QRSL1: variants seen among roughly 807,000 people sequenced by gnomAD.
QRSL1 encodes glutamyl-tRNA(Gln) amidotransferase subunit A, mitochondrial.
QRSL1 carries 54 observed loss-of-function variants against 61.6 expected under a neutral mutation model. The ratio of observed to expected loss-of-function variants is 0.88; its 90% CI spans 0.70 to 1.10. QRSL1 has a LOEUF of 1.10. QRSL1 is among the 50% of genes least tolerant of loss of function. QRSL1 has a pLI of 0.00. For missense variants in QRSL1, 505 were observed against 622.6 expected, an observed-to-expected ratio of 0.81 and a Z score of 2.01; for synonymous variants, 228 against 225.7, an observed-to-expected ratio of 1.01 and a Z score of -0.09.
At chr6:106,649,294 A>G (rs979751459) in intron 5 of QRSL1, 93 bp downstream of exon 5, 2 of 1,331,064 alleles carry the variant, frequency 1.5e-6, no homozygotes, top group African/African-American at 2.9e-5. Flanking sequence ...ATATCCTGGT[A>G]TTTTTCTTTC....
chr6:106,658,196 C>G (rs1322196549), intron 9 of QRSL1, among the ~76,000 whole-genome samples: 1 of 151,848 alleles, frequency 6.6e-6, no homozygotes, highest in Non-Finnish European at 1.5e-5. Flanking sequence ...TTTATATTTA[C>G]CTACATATTT....
At position 106,667,757 on chromosome 6, in the gene QRSL1, A is replaced by T. The variant is rs969649801; in HGVS notation, c.*1755A>T. 1 of 152,164 alleles carries T rather than the reference A, an allele frequency of 6.6e-6. No homozygotes were observed. Among genetic ancestry groups the T allele is most frequent in the Non-Finnish European group, 1.5e-5 (1 of 68,044 alleles). 9.4% of individuals were successfully genotyped at this position (152,164 alleles called of 1,614,324 possible). On this transcript the variant is annotated 3_prime_UTR_variant, in exon 11 of 11. Coordinates refer to ENST00000369046, the MANE Select transcript of QRSL1 (RefSeq NM_018292.5). The stretch of plus-strand genomic sequence containing the variant: ...AATATTCCTATAGATTTTGACTCTG[A>T]ATCCCTGAAAGAGGAAGAAATCCAT...
At chr6:106,637,657 C>T (rs904559875) in intron 1 of QRSL1, among the ~76,000 whole-genome samples, 2 of 152,180 alleles carry the variant, frequency 1.3e-5, no homozygotes, top group African/African-American at 2.4e-5. Context: ...ACAGGAGAAG[C>T]AGCGGCTGCC....
chr6:106,644,810 T>C (rs1777083188), intron 4 of QRSL1, among the ~76,000 whole-genome samples: 1 of 152,186 alleles, frequency 6.6e-6, no homozygotes, highest in East Asian at 1.9e-4. Flanking sequence ...TGAGCCATCG[T>C]GCCTGGCCAA....
rs1582424677 is a variant in QRSL1, at chr6:106,666,735, A to G, written c.*733A>G. 6.6e-6 allele frequency: 1 copy of G among 152,420 alleles called. No individual in the cohort carries two copies. The highest frequency in any genetic ancestry group is 6.5e-5 in the Admixed American group (1 of 15,302). 9.4% of individuals were successfully genotyped at this position (152,420 alleles called of 1,614,324 possible). On this transcript the variant is annotated 3_prime_UTR_variant, in exon 11 of 11. Coordinates refer to ENST00000369046, the MANE Select transcript of QRSL1 (RefSeq NM_018292.5). ...GGTGAAGGCCGCCTCAGGGGTTGTT[A>G]AAAATGCACAGAAACAATTGAGTGC... is the stretch of plus-strand genomic sequence containing the variant.
intron 4 of QRSL1, among the ~76,000 whole-genome samples, chr6:106,646,836 G>A (rs1216340901): frequency 6.6e-6 from 1 of 151,856 alleles, no homozygotes; most frequent in African/African-American, 2.4e-5. Flanking sequence ...AGACCATCCT[G>A]GCTAACACAG....
chr6:106,664,366 G>A (rs539317093), intron 10 of QRSL1, among the ~76,000 whole-genome samples: 6 of 152,298 alleles, frequency 3.9e-5, no homozygotes, highest in African/African-American at 1.4e-4. Context: ...TTTGCTTACT[G>A]TGTTCATTCT....
At chr6:106,632,804 T>A (rs1776858776) in intron 1 of QRSL1, among the ~76,000 whole-genome samples, 1 of 152,232 alleles carries the variant, frequency 6.6e-6, no homozygotes, top group Admixed American at 6.5e-5. Context: ...TTAATTTGAT[T>A]ATTGGATTTT....
chr6:106,663,951 A>G (rs1176786718), intron 10 of QRSL1, among the ~76,000 whole-genome samples: 1 of 151,964 alleles, frequency 6.6e-6, no homozygotes, highest in African/African-American at 2.4e-5. Context: ...ACACACCCAC[A>G]CTCACCACAC....
At chr6:106,641,814 A>G (rs898202180) in intron 3 of QRSL1, among the ~76,000 whole-genome samples, 6 of 152,232 alleles carry the variant, frequency 3.9e-5, no homozygotes, top group African/African-American at 1.4e-4. Flanking sequence ...GAGATTTACT[A>G]TTTCAAAAAT....
chr6:106,644,767 G>A (rs1326300538), intron 4 of QRSL1, among the ~76,000 whole-genome samples: 3 of 152,072 alleles, frequency 2.0e-5, no homozygotes, highest in Non-Finnish European at 4.4e-5. Flanking sequence ...TGATCTGCCC[G>A]CCTGGTCTCC....
At position 106,668,004 on chromosome 6, in the gene QRSL1, G is replaced by A. The variant is rs1582425484; in HGVS notation, c.*2002G>A. The A allele has an allele frequency of 6.6e-6, 1 of 152,132 alleles. No homozygotes were observed. The highest frequency in any genetic ancestry group is 1.9e-4 in the East Asian group (1 of 5,176). 9.4% of individuals were successfully genotyped at this position (152,132 alleles called of 1,614,324 possible). A position where few individuals can be genotyped will look rare whatever the true frequency, so the allele number is the denominator to read the frequency against. On this transcript the variant is annotated 3_prime_UTR_variant, in exon 11 of 11. Transcript: ENST00000369046. ...AGATGGGCTCTCCCTGTGTTGCCCA[G>A]GCTAGTCTCAAACTCCTGGGCTCAA...
chr6:106,655,787 C>A, intron 9 of QRSL1, 55 bp downstream of exon 9: 1 of 1,070,850 alleles, frequency 9.3e-7, no homozygotes, highest in Non-Finnish European at 1.4e-6. Context: ...AGTAACATGT[C>A]TCTTATCAGG....
At chr6:106,632,467 C>T (rs971462900) in intron 1 of QRSL1, among the ~76,000 whole-genome samples, 3 of 152,098 alleles carry the variant, frequency 2.0e-5, no homozygotes, top group Non-Finnish European at 2.9e-5. Flanking sequence ...CCTCCTCCCT[C>T]AGCCTCCCAA....
chr6:106,648,974 T>A (rs779385198), intron 4 of QRSL1, 51 bp from the exon 5 acceptor site: 5 of 1,542,304 alleles, frequency 3.2e-6, no homozygotes, highest in Non-Finnish European at 4.4e-6. Flanking sequence ...GATGAAATTT[T>A]CACATAAAAT....
Position 106,663,153 on chromosome 6 carries a change from A to G in QRSL1, c.1334A>G (p.Asp445Gly). 6.2e-7 allele frequency: 1 copy of G among 1,614,210 alleles called. No individual in the cohort carries two copies. The highest frequency in any genetic ancestry group is 1.7e-5 in the Admixed American group (1 of 60,026). ...GACAACAGAACCCGAAGTGCCCAGG[A>G]TGATATTTTTACACAAGCTGTAAAT... ...KEDNRTRSAQ[D>G]DIFTQAVNMA... The change falls in exon 10 of 11, where the codon GAT becomes GGT. Residue 445 changes from aspartate (D) to glycine (G), a missense_variant. Coordinates refer to ENST00000369046, the MANE Select transcript of QRSL1 (RefSeq NM_018292.5).
chr6:106,666,210 G>C lies in QRSL1; in HGVS notation c.*208G>C. 1.9e-6 allele frequency: 1 copy of C among 522,364 alleles called. No homozygotes were observed. Among genetic ancestry groups the C allele is most frequent in the African/African-American group, 1.9e-5 (1 of 51,992 alleles). 32.4% of individuals were successfully genotyped at this position (522,364 alleles called of 1,614,324 possible). On this transcript the variant is annotated 3_prime_UTR_variant, in exon 11 of 11. Coordinates refer to ENST00000369046, the MANE Select transcript of QRSL1 (RefSeq NM_018292.5). ...ATCTGTAGTCCCAGCTACTCAGGAG[G>C]CTGAGGCAGGAGAATCACTTGAACC...
intron 1 of QRSL1, among the ~76,000 whole-genome samples, chr6:106,636,822 C>T (rs1776930199): frequency 6.6e-6 from 1 of 152,178 alleles, no homozygotes; most frequent in Non-Finnish European, 1.5e-5. Flanking sequence ...TATGTATTTG[C>T]ATTTTTCCCT....
At position 106,639,116 on chromosome 6, in the gene QRSL1, G is replaced by GTTTTTTTTTT. The variant is rs1554200732; in HGVS notation, c.25-1231_25-1230insTTTTTTTTTT. Among the ~76,000 whole-genome samples, 227 of 54,328 alleles carry GTTTTTTTTTT rather than the reference G, an allele frequency of 4.2e-3. 24 individuals are homozygous for GTTTTTTTTTT. The highest frequency in any genetic ancestry group is 0.019 in the East Asian group (49 of 2,518). 35.6% of individuals were successfully genotyped at this position (54,328 alleles called of 152,430 possible). A position where few individuals can be genotyped will look rare whatever the true frequency, so the allele number is the denominator to read the frequency against. ...ACTTGTGTGGTTATTTGTGTGTTTT[G>GTTTTTTTTTT]TTGTTTTTTTTTTTTTTTTTTTTTT... On this transcript the variant is annotated intron_variant, in intron 1 of 10. Coordinates refer to ENST00000369046, the MANE Select transcript of QRSL1 (RefSeq NM_018292.5).
Sources: gnomAD v4.1 joint callset for allele counts (sites outside exome capture counted in the v4.1 genomes callset) on GRCh38, gnomAD v4.1.1 for gene constraint, MANE v1.5 for transcripts, NCBI Gene and HGNC (gene_info 2026-07-23, HGNC 2026-07-21) for gene names.